HDAC9: variants seen among roughly 807,000 people sequenced by gnomAD.
HDAC9 encodes histone deacetylase 9.
HDAC9 carries 41 observed loss-of-function variants against 139.4 expected under a neutral mutation model. The ratio of observed to expected loss-of-function variants is 0.29; its 90% CI spans 0.23 to 0.38. HDAC9 has a LOEUF of 0.38. Among genes scored for constraint, HDAC9 ranks in the 10% least tolerant of loss-of-function variants. HDAC9 has a pLI of 1.00. For synonymous variants in HDAC9, 517 were observed against 476.2 expected, an observed-to-expected ratio of 1.09 and a Z score of -1.12; for missense variants, 1,147 against 1,297.0, an observed-to-expected ratio of 0.88 and a Z score of 1.78.
intron 2 of HDAC9, among the ~76,000 whole-genome samples, chr7:18,272,913 GCTACTACTACTACTA>G (rs149171355): frequency 0.037 from 5,392 of 144,556 alleles, 122 homozygotes; most frequent in African/African-American, 0.057. Flanking sequence ...CTAGACTACT[GCTACTACTACTACTA>G]CTACTACTAC....
intron 1 of HDAC9, among the ~76,000 whole-genome samples, chr7:18,481,936 A>C (rs1026213897): frequency 6.6e-6 from 1 of 152,142 alleles, no homozygotes; most frequent in African/African-American, 2.4e-5. Context: ...TATTTGCAGA[A>C]AAATCATTAT....
chr7:18,869,603 C>T (rs541977908), intron 21 of HDAC9, among the ~76,000 whole-genome samples: 2 of 143,008 alleles, frequency 1.4e-5, no homozygotes, highest in East Asian at 4.1e-4. Context: ...AGACTGAGTC[C>T]TCAACTTGTG....
At chr7:18,336,518 A>G (rs1394763170) in intron 1 of HDAC9, among the ~76,000 whole-genome samples, 1 of 151,696 alleles carries the variant, frequency 6.6e-6, no homozygotes, top group Non-Finnish European at 1.5e-5. Context: ...CTATGAATAT[A>G]TGTAAAATTG....
intron 2 of HDAC9, among the ~76,000 whole-genome samples, chr7:18,276,393 C>T (rs1796721694): frequency 6.6e-6 from 1 of 152,146 alleles, no homozygotes; most frequent in South Asian, 2.1e-4. Context: ...ACAAAACCTC[C>T]TATTTTCTAC....
chr7:18,933,116 C>A (rs1329496123), intron 22 of HDAC9, among the ~76,000 whole-genome samples: 3 of 152,138 alleles, frequency 2.0e-5, no homozygotes, highest in African/African-American at 4.8e-5. Context: ...GTTCAGGCTG[C>A]TGTATCAAAA....
At chr7:18,976,905 A>T (rs1784585112) in intron 25 of HDAC9, among the ~76,000 whole-genome samples, 1 of 152,196 alleles carries the variant, frequency 6.6e-6, no homozygotes, top group Admixed American at 6.5e-5. Flanking sequence ...AATTACGCAG[A>T]TCCTGCTACT....
At chr7:18,308,709 A>G (rs1799094840) in intron 1 of HDAC9, among the ~76,000 whole-genome samples, 1 of 152,204 alleles carries the variant, frequency 6.6e-6, no homozygotes, top group Non-Finnish European at 1.5e-5. Context: ...ACATATATAT[A>G]TATGTGTGTA....
At chr7:18,717,238 C>A (rs902358767) in intron 12 of HDAC9, among the ~76,000 whole-genome samples, 1 of 152,032 alleles carries the variant, frequency 6.6e-6, no homozygotes, top group Non-Finnish European at 1.5e-5. Context: ...TGCTGGTGAG[C>A]ATACACCTGT....
chr7:18,328,814 G>A (rs1026936728), intron 1 of HDAC9, among the ~76,000 whole-genome samples: 8 of 151,844 alleles, frequency 5.3e-5, no homozygotes, highest in Non-Finnish European at 1.2e-4. Flanking sequence ...GGTAATGATG[G>A]CCTTGTAAAA....
intron 22 of HDAC9, among the ~76,000 whole-genome samples, chr7:18,884,851 A>G (rs1356774354): frequency 1.3e-5 from 2 of 152,130 alleles, no homozygotes; most frequent in African/African-American, 4.8e-5. Flanking sequence ...GTTTCTCAAT[A>G]CACATGCACA....
chr7:18,646,718 A>G (rs1584547623), intron 9 of HDAC9, among the ~76,000 whole-genome samples: 1 of 152,290 alleles, frequency 6.6e-6, no homozygotes, highest in East Asian at 1.9e-4. Context: ...AACATGCCAC[A>G]TAATTTTGAG....
At chr7:18,151,819 T>G (rs990278011) in intron 1 of HDAC9, 2 of 152,226 alleles carry the variant, frequency 1.3e-5, no homozygotes, top group Admixed American at 1.3e-4. Context: ...AAATGTTTTA[T>G]GATATGAGGA....
chr7:18,176,764 G>T (rs1166012503), intron 2 of HDAC9, among the ~76,000 whole-genome samples: 1 of 152,050 alleles, frequency 6.6e-6, no homozygotes, highest in African/African-American at 2.4e-5. Flanking sequence ...TAATTTTTAT[G>T]TTATTTTTTA....
intron 2 of HDAC9, among the ~76,000 whole-genome samples, chr7:18,227,440 C>G (rs796844758): frequency 7.2e-5 from 11 of 152,236 alleles, no homozygotes; most frequent in African/African-American, 2.6e-4. Flanking sequence ...TTTCCATTGA[C>G]ATTGAACTTG....
chr7:18,114,224 ATG>A lies in HDAC9; in HGVS notation c.-97+27019_-97+27020del, dbSNP rs1239868658. 2.0e-5 allele frequency among the ~76,000 whole-genome samples: 3 copies of A among 152,344 alleles called. No homozygotes were observed. The East Asian group carries it at 5.8e-4, about 29-fold the overall frequency. ...GGGAAGAATCAGCACAGCACTAGCC[ATG>A]TGTGTGTCTGGTTTAATCAAGGAAG... On this transcript the variant is annotated intron_variant, in intron 1 of 12. Coordinates refer to the HDAC9 transcript ENST00000417496.
chr7:18,700,280 T>C (rs1392767105), intron 12 of HDAC9, among the ~76,000 whole-genome samples: 1 of 152,222 alleles, frequency 6.6e-6, no homozygotes, highest in Non-Finnish European at 1.5e-5. Context: ...AGAATTTCTG[T>C]GAAATGCAGT....
chr7:18,197,741 C>G (rs1023083253), intron 2 of HDAC9, among the ~76,000 whole-genome samples: 2 of 152,194 alleles, frequency 1.3e-5, no homozygotes, highest in African/African-American at 4.8e-5. Flanking sequence ...CAACAATTTA[C>G]TCAGTCCTTT....
chr7:18,137,414 C>A (rs904097725), intron 1 of HDAC9, among the ~76,000 whole-genome samples: 3 of 150,596 alleles, frequency 2.0e-5, no homozygotes, highest in African/African-American at 7.4e-5. Context: ...CAGTTTTTGC[C>A]CATTCAGTAT....
chr7:18,457,098 C>T (rs1237407414), intron 1 of HDAC9, among the ~76,000 whole-genome samples: 4 of 152,168 alleles, frequency 2.6e-5, no homozygotes, highest in Non-Finnish European at 5.9e-5. Flanking sequence ...TTTCCATTCC[C>T]AGGATTCCTT....
Sources: allele counts gnomAD v4.1 joint callset (sites outside exome capture counted in the v4.1 genomes callset), GRCh38; gene constraint gnomAD v4.1.1; transcripts MANE v1.5; gene names NCBI Gene and HGNC (gene_info 2026-07-23, HGNC 2026-07-21).